Variants in AMZ1 observed in about 807,000 individuals in gnomAD.
AMZ1 encodes the protein archaelysin family metallopeptidase 1.
In AMZ1, 39 loss-of-function variants were observed where a neutral mutation model predicts 29.9. The ratio of observed to expected loss-of-function variants is 1.30; its 90% CI spans 1.01 to 1.70. AMZ1 has a LOEUF of 1.70. Among genes scored for constraint, AMZ1 ranks in the 40% most tolerant of loss-of-function variants. AMZ1 has a pLI of 0.00. For missense variants in AMZ1, 1,041 were observed against 680.6 expected (o/e 1.53, Z -5.89); for synonymous variants, 458 against 304.0 (o/e 1.51, Z -5.27).
At chr7:2,706,010 T>C (rs1440669544) in intron 3 of AMZ1, among the ~76,000 whole-genome samples, 1 of 152,140 alleles carries the variant, frequency 6.6e-6, no homozygotes, top group Non-Finnish European at 1.5e-5. Context: ...ACTCCAGGGC[T>C]TTCCACCCCC....
At chr7:2,733,960 A>G (rs547661999) in intron 4 of AMZ1, among the ~76,000 whole-genome samples, 1 of 152,362 alleles carries the variant, frequency 6.6e-6, no homozygotes, top group East Asian at 1.9e-4. Context: ...TCCTGACGAA[A>G]AGGAGCATCT....
At chr7:2,751,094 T>G (rs887718154) in intron 4 of AMZ1, among the ~76,000 whole-genome samples, 1 of 152,112 alleles carries the variant, frequency 6.6e-6, no homozygotes, top group African/African-American at 2.4e-5. Context: ...TTGCTTTACA[T>G]GCTTATATTA....
chr7:2,722,790 C>T (rs1789476547), downstream of AMZ1, among the ~76,000 whole-genome samples: 1 of 152,006 alleles, frequency 6.6e-6, no homozygotes, highest in Non-Finnish European at 1.5e-5. Flanking sequence ...CTGGGCAACA[C>T]AGTGAGACTC....
chr7:2,712,939 C>A lies in AMZ1; in HGVS notation c.*61C>A. The A allele has an allele frequency of 6.8e-7, 1 of 1,463,082 alleles. No homozygotes were observed. The highest frequency in any genetic ancestry group is 2.5e-5 in the East Asian group (1 of 40,762). The allele number at this position is 1,463,082 out of a possible 1,614,324, so 90.6% of individuals were successfully genotyped here. ...GATGCTGGCCAGCACTGTCCAGTAG[C>A]TGAGGCCACTACTGACCTGCCAGGG... On this transcript the variant is annotated 3_prime_UTR_variant, in exon 7 of 7. Transcript: ENST00000683327.
At chr7:2,747,768 G>C (rs1790838395) in intron 4 of AMZ1, among the ~76,000 whole-genome samples, 1 of 152,166 alleles carries the variant, frequency 6.6e-6, no homozygotes, top group African/African-American at 2.4e-5. Flanking sequence ...ATATTATCTA[G>C]AAAACCCCAT....
At chr7:2,696,489 C>T (rs921293349) in intron 1 of AMZ1, among the ~76,000 whole-genome samples, 1 of 150,576 alleles carries the variant, frequency 6.6e-6, no homozygotes, top group African/African-American at 2.4e-5. Context: ...GATCTCCTGA[C>T]CTCGTGATCT....
At chr7:2,744,246 T>C (rs1397707396) in intron 4 of AMZ1, among the ~76,000 whole-genome samples, 1 of 152,076 alleles carries the variant, frequency 6.6e-6, no homozygotes, top group African/African-American at 2.4e-5. Context: ...TGACCCTGAG[T>C]AGCCTAACTG....
chr7:2,751,324 G>A (rs968290565), intron 4 of AMZ1, among the ~76,000 whole-genome samples: 2 of 151,114 alleles, frequency 1.3e-5, no homozygotes, highest in South Asian at 4.2e-4. Flanking sequence ...CCAGAAGGCC[G>A]AGGCTGCAGT....
chr7:2,730,918 T>C, intron 4 of AMZ1: 1 of 447,530 alleles, frequency 2.2e-6, no homozygotes, highest in Middle Eastern at 5.9e-4. Flanking sequence ...GCTGTGTGAT[T>C]AGGTGTTCCG....
upstream of AMZ1, among the ~76,000 whole-genome samples, chr7:2,759,858 CGCCCCCGTCTCAGA>C (rs1301551323): frequency 1.3e-5 from 2 of 151,794 alleles, no homozygotes; most frequent in Non-Finnish European, 2.9e-5. Flanking sequence ...TGCGATTGTC[CGCCCCCGTCTCAGA>C]GCCCCACGGC....
intron 1 of AMZ1, among the ~76,000 whole-genome samples, chr7:2,695,881 G>A (rs1207623014): frequency 6.6e-6 from 1 of 151,736 alleles, no homozygotes; most frequent in Non-Finnish European, 1.5e-5. Flanking sequence ...GTGGTGGCGG[G>A]CACCTGTAGT....
upstream of AMZ1, among the ~76,000 whole-genome samples, chr7:2,760,868 T>G (rs960167515): frequency 6.6e-6 from 1 of 152,174 alleles, no homozygotes; most frequent in African/African-American, 2.4e-5. Context: ...GGAACAGAAG[T>G]TGTCACATCC....
At chr7:2,720,400 A>G (rs1053233106), downstream of AMZ1, among the ~76,000 whole-genome samples, 1 of 152,122 alleles carries the variant, frequency 6.6e-6, no homozygotes, top group African/African-American at 2.4e-5. Context: ...GGAGGGGATC[A>G]TTATTTTTTT....
upstream of AMZ1, chr7:2,762,599 A>C (rs1791613972): frequency 2.0e-6 from 3 of 1,514,026 alleles, no homozygotes; most frequent in South Asian, 1.3e-5. Context: ...AACCCAAAAA[A>C]GGACAATCCC....
Position 2,695,303 on chromosome 7 carries a change from C to T in AMZ1, c.-218-4931C>T, listed in dbSNP as rs202012023. Among the ~76,000 whole-genome samples, 59 of 152,268 alleles carry T rather than the reference C, an allele frequency of 3.9e-4. No individual in the cohort carries two copies. The East Asian group carries it at 9.8e-3, about 25-fold the overall frequency. On this transcript the variant is annotated intron_variant, in intron 1 of 6. Coordinates refer to ENST00000683327, the MANE Select transcript of AMZ1 (RefSeq NM_001384743.1). ...TCCAGGAGTCCAGGAGTGAGACCCACGCTGGAGTCTGGTGGTGGGCATGCG... is the reference window on the plus strand; with the variant it reads ...TCCAGGAGTCCAGGAGTGAGACCCATGCTGGAGTCTGGTGGTGGGCATGCG...
At position 2,700,255 on chromosome 7, in the gene AMZ1, C is replaced by T. The variant is rs1252885600; in HGVS notation, c.-197C>T. 1.6e-6 allele frequency: 1 copy of T among 637,504 alleles called. No individual in the cohort carries two copies. The highest frequency in any genetic ancestry group is 2.7e-6 in the Non-Finnish European group (1 of 373,414). 39.5% of individuals were successfully genotyped at this position (637,504 alleles called of 1,614,324 possible). A position where few individuals can be genotyped will look rare whatever the true frequency, so the allele number is the denominator to read the frequency against. The stretch of plus-strand genomic sequence containing the variant: ...ACAGGGTGCTGTGGGCCCAGAAGCG[C>T]CCATGCCTGAGAGCGTCCAGGACCA... On this transcript the variant is annotated 5_prime_UTR_variant, in exon 2 of 7. Coordinates refer to ENST00000683327, the MANE Select transcript of AMZ1 (RefSeq NM_001384743.1).
chr7:2,694,733 C>T (rs1032686379), intron 1 of AMZ1, among the ~76,000 whole-genome samples: 11 of 151,204 alleles, frequency 7.3e-5, no homozygotes, highest in Admixed American at 1.3e-4. Context: ...AGTGCAGTGG[C>T]GCGATCTCAG....
chr7:2,727,274 G>A (rs1211331212), intron 4 of AMZ1, among the ~76,000 whole-genome samples: 1 of 152,054 alleles, frequency 6.6e-6, no homozygotes, highest in African/African-American at 2.4e-5. Flanking sequence ...TAGAGTTGGG[G>A]TTTCACCATG....
chr7:2,687,514 C>T (rs575169847), upstream of AMZ1, among the ~76,000 whole-genome samples: 2 of 152,202 alleles, frequency 1.3e-5, no homozygotes, highest in Non-Finnish European at 2.9e-5. Context: ...TGGAAAAGGC[C>T]TCTGGGCTCT....
Sources: allele counts gnomAD v4.1 joint callset (sites outside exome capture counted in the v4.1 genomes callset), GRCh38; gene constraint gnomAD v4.1.1; transcripts MANE v1.5; gene names NCBI Gene and HGNC (gene_info 2026-07-23, HGNC 2026-07-21).